Variants in PACS1 observed in about 807,000 individuals in gnomAD.
The protein encoded by PACS1 is phosphofurin acidic cluster sorting protein 1.
A neutral mutation model predicts 115.0 loss-of-function variants in PACS1; 24 were observed. The observed-to-expected ratio is 0.21, with a 90% CI of 0.15 to 0.29. The LOEUF (loss-of-function observed/expected upper bound fraction) is 0.29, where lower values mean the gene tolerates loss of function less well. Among genes scored for constraint, PACS1 ranks in the 10% least tolerant of loss-of-function variants. The probability of loss-of-function intolerance (pLI) is 1.00; values close to 1 mark genes in which losing one functional copy is unlikely to be tolerated. For synonymous variants in PACS1, 453 were observed against 504.5 expected, an observed-to-expected ratio of 0.90 and a Z score of 1.37; for missense variants, 838 against 1,251.2, an observed-to-expected ratio of 0.67 and a Z score of 4.98.
chr11:66,236,529 G>A lies in PACS1; in HGVS notation c.2250+589G>A, dbSNP rs546039739. Reference sequence around the variant, plus strand: ...TAACCAAGGAGAAATCTCTATACTAGTAAACTTTGAAAGTCAAGGAAGAAC... The same window carrying A: ...TAACCAAGGAGAAATCTCTATACTAATAAACTTTGAAAGTCAAGGAAGAAC... On this transcript the variant is annotated intron_variant, in intron 19 of 23. Transcript: ENST00000320580. This position sits in a 1 kb window ranked among gnomAD's most constrained non-coding sequence, Gnocchi z 4.2. 6.6e-6 allele frequency among the ~76,000 whole-genome samples: 1 copy of A among 152,258 alleles called. No homozygotes were observed. The highest frequency in any genetic ancestry group is 2.4e-5 in the African/African-American group (1 of 41,568).
At chr11:66,155,186 T>A (rs1401109975) in intron 1 of PACS1, among the ~76,000 whole-genome samples, 1 of 152,134 alleles carries the variant, frequency 6.6e-6, no homozygotes, top group African/African-American at 2.4e-5. Flanking sequence ...CTGGAAAAAT[T>A]ATAGGGGAAA....
In PACS1 at chr11:66,220,794, G is replaced by A. The variant is rs1855325788; in HGVS notation, c.1199+3G>A. On this transcript the variant is annotated splice_donor_region_variant and intron_variant, in intron 9 of 23. Coordinates refer to ENST00000320580, the MANE Select transcript of PACS1 (RefSeq NM_018026.4). Reference sequence around the variant, plus strand: ...AGCACGCCAAAGCCCAAGCTCAAGTGAGCCCCCCTCTCTGTAGCTGGCCTC... The same window carrying A: ...AGCACGCCAAAGCCCAAGCTCAAGTAAGCCCCCCTCTCTGTAGCTGGCCTC... 1.9e-6 allele frequency: 3 copies of A among 1,613,428 alleles called. No individual in the cohort carries two copies. The highest frequency in any genetic ancestry group is 1.7e-6 in the Non-Finnish European group (2 of 1,179,716).
intron 2 of PACS1, among the ~76,000 whole-genome samples, chr11:66,202,705 A>G (rs1389353913): frequency 7.3e-6 from 1 of 136,320 alleles, no homozygotes; most frequent in Non-Finnish European, 1.5e-5. Context: ...CCTGGGCAAC[A>G]TGGCAAAACC....
At chr11:66,116,946 A>G (rs1038425284) in intron 1 of PACS1, among the ~76,000 whole-genome samples, 1 of 152,038 alleles carries the variant, frequency 6.6e-6, no homozygotes, top group Non-Finnish European at 1.5e-5. Context: ...ACTAAATAAG[A>G]TAACACAAAT....
At chr11:66,077,114 G>A (rs867427964) in intron 1 of PACS1, among the ~76,000 whole-genome samples, 3 of 152,142 alleles carry the variant, frequency 2.0e-5, no homozygotes, top group African/African-American at 7.2e-5. Context: ...TGTGTTCCCC[G>A]TTATCTCATT....
intron 4 of PACS1, among the ~76,000 whole-genome samples, chr11:66,214,346 C>G (rs930969919): frequency 6.6e-6 from 1 of 152,154 alleles, no homozygotes; most frequent in Non-Finnish European, 1.5e-5. Flanking sequence ...CTGCCATTCC[C>G]TGTAGACTGG....
chr11:66,223,735 A>G (rs149527128), intron 10 of PACS1, among the ~76,000 whole-genome samples: 1 of 152,322 alleles, frequency 6.6e-6, no homozygotes, highest in Non-Finnish European at 1.5e-5. Flanking sequence ...TAAATCACTA[A>G]CTGAGACAGT....
At chr11:66,221,465 G>A in intron 10 of PACS1, 1 of 553,784 alleles carries the variant, frequency 1.8e-6, no homozygotes, top group Non-Finnish European at 3.3e-6. Context: ...GGCCAACATG[G>A]TGACACCCCA....
At chr11:66,216,335 C>T in intron 5 of PACS1, 72 bp downstream of exon 5, 1 of 1,568,328 alleles carries the variant, frequency 6.4e-7, no homozygotes, top group Non-Finnish European at 8.7e-7. Context: ...CAAGACAGTG[C>T]CTGAGATGTT....
rs1014585026 is a variant in PACS1, at chr11:66,184,465, T to A, written c.357-9021T>A. ...CATTTGTAGAAATTATTCAAGGCTG[T>A]TTCTCCTTTATCCTACAGTCACGTA... On this transcript the variant is annotated intron_variant, in intron 1 of 23. Coordinates refer to ENST00000320580, the MANE Select transcript of PACS1 (RefSeq NM_018026.4). Among the ~76,000 whole-genome samples the A allele has an allele frequency of 2.6e-5, 4 of 152,230 alleles. No homozygotes were observed. The South Asian group carries it at 8.3e-4, about 31-fold the overall frequency.
intron 1 of PACS1, among the ~76,000 whole-genome samples, chr11:66,072,206 G>A (rs1463336058): frequency 3.3e-5 from 5 of 151,986 alleles, no homozygotes; most frequent in Non-Finnish European, 7.4e-5. Context: ...CATTAGGTTT[G>A]TGAGAATCAT....
chr11:66,110,343 C>T (rs1405726075), intron 1 of PACS1, among the ~76,000 whole-genome samples: 2 of 152,020 alleles, frequency 1.3e-5, no homozygotes, highest in Non-Finnish European at 2.9e-5. Context: ...ACTGTGTCAC[C>T]GAGGCTGGAG....
At chr11:66,186,544 T>C (rs1854379387) in intron 1 of PACS1, among the ~76,000 whole-genome samples, 1 of 152,212 alleles carries the variant, frequency 6.6e-6, no homozygotes, top group African/African-American at 2.4e-5. Context: ...TACTACATAA[T>C]TTACCTAATT....
At chr11:66,096,026 C>G (rs1038154687) in intron 1 of PACS1, among the ~76,000 whole-genome samples, 1 of 151,778 alleles carries the variant, frequency 6.6e-6, no homozygotes, top group African/African-American at 2.4e-5. Flanking sequence ...CCTCCACCTC[C>G]CAGGTTGAAG....
chr11:66,181,562 C>T (rs1286024173), intron 1 of PACS1, among the ~76,000 whole-genome samples: 1 of 151,862 alleles, frequency 6.6e-6, no homozygotes, highest in Admixed American at 6.6e-5. Context: ...TATTAAGTGC[C>T]TTTTTTAGCA....
Position 66,070,622 on chromosome 11 carries a change from A to G in PACS1, c.136A>G (p.Thr46Ala), listed in dbSNP as rs1334897479. 2.6e-6 allele frequency: 4 copies of G among 1,540,756 alleles called. No individual in the cohort carries two copies. Among genetic ancestry groups the G allele is most frequent in the Non-Finnish European group, 2.6e-6 (3 of 1,151,630 alleles). Residue 46 changes from threonine to alanine, a missense_variant, in exon 1 of 24, where the codon ACG (threonine) becomes GCG (alanine). This residue lies in a region of PACS1 where 129 missense variants were observed against 109.4 expected (regional missense o/e 1.18). Transcript: ENST00000320580. The surrounding 1 kb of genome is among the most constrained non-coding windows in gnomAD (Gnocchi z 5.9). ...GCAGCAGCAGCCGCCGCAGCAGCCG[A>G]CGCCCCCCAAGCTGGCCCAGGCCAC... ...QQQQQPPQQP[T>A]PPKLAQATSS... is the part of the protein sequence containing the mutation.
chr11:66,224,591 T>C (rs1315263041), intron 10 of PACS1, among the ~76,000 whole-genome samples: 1 of 152,240 alleles, frequency 6.6e-6, no homozygotes, highest in East Asian at 1.9e-4. Context: ...GATGTCTTTT[T>C]AGTGAGTCCT....
chr11:66,143,983 T>C (rs1859061096), intron 1 of PACS1, among the ~76,000 whole-genome samples: 2 of 152,360 alleles, frequency 1.3e-5, no homozygotes, highest in South Asian at 4.1e-4. Context: ...TTAAAGTTTC[T>C]TAAGTAATAT....
At chr11:66,182,481 C>CTTTGTCTTTTT (rs1860032933) in intron 1 of PACS1, among the ~76,000 whole-genome samples, 1 of 146,128 alleles carries the variant, frequency 6.8e-6, no homozygotes. Context: ...TTTTTTTTTT[C>CTTTGTCTTTTT]TTGAGACATG....
Sources: allele counts gnomAD v4.1 joint callset (sites outside exome capture counted in the v4.1 genomes callset), GRCh38; gene constraint gnomAD v4.1.1; regional missense constraint gnomAD v4.1.1; non-coding constraint Gnocchi (gnomAD v3.1); transcripts MANE v1.5; gene names NCBI Gene and HGNC (gene_info 2026-07-23, HGNC 2026-07-21).